RP1: variants seen among roughly 807,000 people sequenced by gnomAD.
RP1 encodes oxygen-regulated protein 1.
Under a neutral mutation model 14.8 loss-of-function variants are expected in RP1, and 16 were observed. The observed-to-expected ratio is 1.08, with a 90% CI of 0.73 to 1.65. The LOEUF (loss-of-function observed/expected upper bound fraction) is 1.65, where lower values mean the gene tolerates loss of function less well. Among genes scored for constraint, RP1 ranks in the 40% most tolerant of loss-of-function variants. The probability of loss-of-function intolerance (pLI) is 0.00; values close to 1 mark genes in which losing one functional copy is unlikely to be tolerated. For synonymous variants in RP1, 876 were observed against 883.6 expected, an observed-to-expected ratio of 0.99 and a Z score of 0.15; for missense variants, 2,631 against 2,535.0, an observed-to-expected ratio of 1.04 and a Z score of -0.81.
At chr8:54,563,222 A>T (rs1009970585) in intron 1 of RP1, among the ~76,000 whole-genome samples, 1 of 152,058 alleles carries the variant, frequency 6.6e-6, no homozygotes, top group Non-Finnish European at 1.5e-5. Flanking sequence ...TCCTAAGGAG[A>T]TCTGAGATTG....
intron 20 of RP1, chr8:54,755,520 T>C: frequency 8.4e-7 from 1 of 1,190,426 alleles, no homozygotes; most frequent in Non-Finnish European, 1.2e-6. Flanking sequence ...TGTTTTTCTT[T>C]TTTTACTATA....
At chr8:54,605,239 T>A (rs1474503440) in intron 1 of RP1, among the ~76,000 whole-genome samples, 1 of 152,224 alleles carries the variant, frequency 6.6e-6, no homozygotes, top group Non-Finnish European at 1.5e-5. Context: ...GTATGTTGTG[T>A]CTTTGTTCTC....
At chr8:54,821,045 A>C (rs954732423) in intron 24 of RP1, among the ~76,000 whole-genome samples, 11 of 152,202 alleles carry the variant, frequency 7.2e-5, no homozygotes. Flanking sequence ...ACGAGTATAG[A>C]ATAGCACTGC....
At chr8:54,680,734 G>A (rs1043730986) in intron 12 of RP1, among the ~76,000 whole-genome samples, 35 of 152,024 alleles carry the variant, frequency 2.3e-4, no homozygotes, top group Non-Finnish European at 3.5e-4. Context: ...CGAGGTGGGC[G>A]GATCATGAGG....
At chr8:54,717,203 T>C (rs1808424453) in intron 15 of RP1, among the ~76,000 whole-genome samples, 1 of 152,314 alleles carries the variant, frequency 6.6e-6, no homozygotes, top group Middle Eastern at 3.4e-3. Context: ...AACTTGCTTT[T>C]ACAAATAAAA....
At chr8:54,660,555 A>G (rs1232707502) in intron 6 of RP1, among the ~76,000 whole-genome samples, 2 of 152,058 alleles carry the variant, frequency 1.3e-5, no homozygotes, top group East Asian at 1.9e-4. Context: ...TGCTGGGGGT[A>G]GGAGGGGGAG....
At chr8:54,610,020 A>G (rs1412539694) in intron 1 of RP1, among the ~76,000 whole-genome samples, 2 of 152,188 alleles carry the variant, frequency 1.3e-5, no homozygotes, top group African/African-American at 4.8e-5. Context: ...CAAAAAATTT[A>G]TCTCCACGTG....
At chr8:54,586,875 T>A (rs1804939863) in intron 1 of RP1, among the ~76,000 whole-genome samples, 1 of 152,192 alleles carries the variant, frequency 6.6e-6, no homozygotes, top group African/African-American at 2.4e-5. Context: ...GTGATCCAAT[T>A]TTCCAGGTGC....
At chr8:54,673,506 G>T (rs1255670957) in intron 7 of RP1, among the ~76,000 whole-genome samples, 2 of 152,272 alleles carry the variant, frequency 1.3e-5, no homozygotes, top group South Asian at 4.1e-4. Context: ...TTGGAAGGTT[G>T]AGGCGGGCGG....
intron 12 of RP1, among the ~76,000 whole-genome samples, chr8:54,684,810 TAAAA>T (rs1807519792): frequency 6.6e-6 from 1 of 152,088 alleles, no homozygotes; most frequent in Non-Finnish European, 1.5e-5. Context: ...TATGCAGCCA[TAAAA>T]AGGAATGAGA....
intron 19 of RP1, chr8:54,739,103 T>A: frequency 9.3e-7 from 1 of 1,080,044 alleles, no homozygotes; most frequent in South Asian, 1.5e-5. Flanking sequence ...TGTAAAGCAG[T>A]GAAAACGGTA....
rs575907931 is a variant in RP1, at chr8:54,685,732, A to G, written c.1717+5799A>G. 5.9e-5 allele frequency among the ~76,000 whole-genome samples: 9 copies of G among 152,256 alleles called. No individual in the cohort carries two copies. In the South Asian group the frequency reaches 6.2e-4, roughly 11 times the overall value. ...TGTATTTCATGTGTGGCCCAAGACA[A>G]TTCTTCCAATGTGGCCTGGGGAAGC... On this transcript the variant is annotated intron_variant, in intron 12 of 22. Coordinates refer to the RP1 transcript ENST00000636932.
At chr8:54,684,997 A>G (rs1370919200) in intron 12 of RP1, among the ~76,000 whole-genome samples, 1 of 152,156 alleles carries the variant, frequency 6.6e-6, no homozygotes, top group Non-Finnish European at 1.5e-5. Flanking sequence ...GTGGGAGGGC[A>G]GAGGTGGGAG....
chr8:54,602,630 T>G (rs111239186), intron 1 of RP1, among the ~76,000 whole-genome samples: 5,698 of 152,318 alleles, frequency 0.037, 323 homozygotes, highest in African/African-American at 0.12. Flanking sequence ...CCACAATGGT[T>G]GAACCAGTTT....
intron 1 of RP1, among the ~76,000 whole-genome samples, chr8:54,599,099 T>A (rs1805212639): frequency 6.6e-6 from 1 of 152,208 alleles, no homozygotes; most frequent in South Asian, 2.1e-4. Context: ...TTTGTTATAG[T>A]TCTGCAAGTC....
At chr8:54,815,219 T>A (rs1345601699) in intron 24 of RP1, among the ~76,000 whole-genome samples, 4 of 152,260 alleles carry the variant, frequency 2.6e-5, no homozygotes, top group Non-Finnish European at 5.9e-5. Context: ...TTAATGGATG[T>A]GTTTGTTACA....
chr8:54,687,579 T>A (rs886332248), intron 12 of RP1, among the ~76,000 whole-genome samples: 2 of 152,156 alleles, frequency 1.3e-5, no homozygotes, highest in Non-Finnish European at 2.9e-5. Context: ...TCTCTTCTTG[T>A]GTTACTTTGC....
rs111413996 is a variant in RP1 at position 54,868,095 on chromosome 8, G to T, written c.4152-1748G>T. Among the ~76,000 whole-genome samples, 552 of 152,242 alleles carry T rather than the reference G, an allele frequency of 3.6e-3. 3 individuals are homozygous for T. The highest frequency in any genetic ancestry group is 0.013 in the African/African-American group (527 of 41,546). ...ATATAAGATTATTATTTTTCTAGAA[G>T]TGCCACATTTAGCAAAGTCAAAAGG... On this transcript the variant is annotated intron_variant, in intron 28 of 28. Transcript: ENST00000637698.
At chr8:54,729,560 T>C (rs1056542040) in intron 17 of RP1, among the ~76,000 whole-genome samples, 2 of 152,076 alleles carry the variant, frequency 1.3e-5, no homozygotes, top group Non-Finnish European at 2.9e-5. Context: ...ACATCAAGCA[T>C]ACAGGAAAAT....
Sources: allele counts gnomAD v4.1 joint callset (sites outside exome capture counted in the v4.1 genomes callset), GRCh38; gene constraint gnomAD v4.1.1; transcripts MANE v1.5; gene names NCBI Gene and HGNC (gene_info 2026-07-23, HGNC 2026-07-21).